Variants in CCNY observed in about 807,000 individuals in gnomAD.
CCNY encodes cyclin-Y.
A neutral mutation model predicts 42.8 loss-of-function variants in CCNY; 19 were observed. The ratio of observed to expected loss-of-function variants is 0.44; its 90% confidence interval spans 0.31 to 0.65. The LOEUF (loss-of-function observed/expected upper bound fraction) is 0.65, where lower values mean the gene tolerates loss of function less well. Among genes scored for constraint, CCNY ranks in the 30% least tolerant of loss-of-function variants. CCNY has a pLI of 0.07. For synonymous variants in CCNY, 165 were observed against 162.7 expected, an observed-to-expected ratio of 1.01 and a Z score of -0.11; for missense variants, 370 against 437.3, an observed-to-expected ratio of 0.85 and a Z score of 1.37.
intron 1 of CCNY, among the ~76,000 whole-genome samples, chr10:35,468,008 T>C (rs192593901): frequency 8.9e-4 from 135 of 152,352 alleles, no homozygotes; most frequent in African/African-American, 3.1e-3. Flanking sequence ...TAGATTTCAT[T>C]GACCATGTTA....
rs112076171 is a variant in CCNY at position 35,426,916 on chromosome 10, G to T, written c.155-56488G>T. Among the ~76,000 whole-genome samples, 502 of 152,304 alleles carry T rather than the reference G, an allele frequency of 3.3e-3. 2 individuals carry two copies. The highest frequency in any genetic ancestry group is 0.011 in the African/African-American group (470 of 41,554). ...CCTTGTGGTTCATTCATTGTTATTA[G>T]ATTGAATTATAATGAGAAGAAGCCT... On this transcript the variant is annotated intron_variant, in intron 1 of 9. Coordinates refer to ENST00000374704, the MANE Select transcript of CCNY (RefSeq NM_145012.6).
intron 7 of CCNY, among the ~76,000 whole-genome samples, chr10:35,545,681 A>T (rs746172201): frequency 4.6e-5 from 7 of 152,142 alleles, no homozygotes; most frequent in Admixed American, 2.6e-4. Flanking sequence ...ACACACTGTA[A>T]CCCATATCCA....
rs187236602 is a variant in CCNY, at chr10:35,324,990, T to G, written c.-9+74364T>G. 5.6e-3 allele frequency among the ~76,000 whole-genome samples: 847 copies of G among 152,308 alleles called. 10 individuals carry two copies. Among genetic ancestry groups the G allele is most frequent in the South Asian group, 0.029 (141 of 4,824 alleles). On this transcript the variant is annotated intron_variant, in intron 3 of 11. Coordinates refer to the CCNY transcript ENST00000374706. ...CCACTCATGGAACCACTAGAAGAGA[T>G]TGAAATTTTAAGTGTCAACATACTA...
In CCNY at chr10:35,510,003, A is replaced by G. The variant is rs543411407; in HGVS notation, c.265-6520A>G. On this transcript the variant is annotated intron_variant, in intron 3 of 9. Transcript: ENST00000374704. ...CTGCACTCCAGCAGGCCTTTCGTTC[A>G]TTCCTAGTCAAGGAATGCCAGTGCA... Among the ~76,000 whole-genome samples the G allele has an allele frequency of 4.6e-5, 7 of 152,180 alleles. No homozygotes were observed. In the South Asian group the frequency reaches 1.5e-3, roughly 32 times the overall value.
intron 1 of CCNY, among the ~76,000 whole-genome samples, chr10:35,438,217 C>T (rs989159948): frequency 6.6e-6 from 1 of 150,986 alleles, no homozygotes; most frequent in African/African-American, 2.4e-5. Flanking sequence ...GGTGCAATCA[C>T]AGCTCACTAC....
Position 35,570,744 on chromosome 10 carries a change from A to G in CCNY, c.*1574A>G, listed in dbSNP as rs1227517393. On this transcript the variant is annotated 3_prime_UTR_variant, in exon 10 of 10. Transcript: ENST00000374704. The stretch of plus-strand genomic sequence containing the variant: ...TGAATCATACACCTGATCCCCAAAC[A>G]TTGCCTGCTCTCAATGAAACATGCT... The G allele has an allele frequency of 6.6e-6, 1 of 152,304 alleles. No individual in the cohort carries two copies. The highest frequency in any genetic ancestry group is 2.4e-5 in the African/African-American group (1 of 41,440). 9.4% of individuals were successfully genotyped at this position (152,304 alleles called of 1,614,324 possible).
At chr10:35,380,679 C>G (rs2135191977) in intron 1 of CCNY, among the ~76,000 whole-genome samples, 1 of 152,294 alleles carries the variant, frequency 6.6e-6, no homozygotes, top group Non-Finnish European at 1.5e-5. Context: ...AAATATATTT[C>G]CTCTCTTGAA....
chr10:35,455,052 GGAA>G (rs1292565098), intron 1 of CCNY, among the ~76,000 whole-genome samples: 1 of 152,128 alleles, frequency 6.6e-6, no homozygotes, highest in African/African-American at 2.4e-5. Flanking sequence ...TTCTAATTGT[GGAA>G]GAAAATACTG....
rs367556896 is a variant in CCNY at position 35,404,891 on chromosome 10, A to G, written c.154+67684A>G. The stretch of plus-strand genomic sequence containing the variant: ...GCCTTGCAGCAGTACAGCCCAGGTA[A>G]TTTGCTGAGCCTGATGGGTATCAGG... On this transcript the variant is annotated intron_variant, in intron 1 of 9. Coordinates refer to ENST00000374704, the MANE Select transcript of CCNY (RefSeq NM_145012.6). Among the ~76,000 whole-genome samples, 79 of 152,286 alleles carry G rather than the reference A, an allele frequency of 5.2e-4. 1 individual carries two copies. In the South Asian group the frequency reaches 0.016, roughly 30 times the overall value.
chr10:35,344,494 ATCC>A (rs1836255064), intron 1 of CCNY, among the ~76,000 whole-genome samples: 1 of 152,224 alleles, frequency 6.6e-6, no homozygotes, highest in Non-Finnish European at 1.5e-5. Flanking sequence ...GATCAAGACC[ATCC>A]TGGCTAACAT....
At chr10:35,566,876 T>A (rs1482993706) in intron 9 of CCNY, among the ~76,000 whole-genome samples, 1 of 151,810 alleles carries the variant, frequency 6.6e-6, no homozygotes, top group African/African-American at 2.4e-5. Flanking sequence ...CAGCTAATTT[T>A]TTTTTGTATT....
intron 1 of CCNY, among the ~76,000 whole-genome samples, chr10:35,400,765 C>G (rs145781429): frequency 2.9e-3 from 438 of 152,288 alleles, no homozygotes; most frequent in African/African-American, 9.4e-3. Flanking sequence ...CTTGACTTCT[C>G]TCTCTCTTTT....
At chr10:35,540,224 C>T (rs1206546966) in intron 7 of CCNY, among the ~76,000 whole-genome samples, 2 of 152,060 alleles carry the variant, frequency 1.3e-5, no homozygotes, top group Non-Finnish European at 2.9e-5. Context: ...TTGTAGATGT[C>T]CTTTATCAAT....
chr10:35,434,303 G>C (rs1838478299), intron 1 of CCNY: 1 of 152,190 alleles, frequency 6.6e-6, no homozygotes, highest in African/African-American at 2.4e-5. Context: ...GGTGTGATGG[G>C]TTCAGGGAAA....
At chr10:35,434,548 A>T (rs1392847906) in intron 1 of CCNY, among the ~76,000 whole-genome samples, 1 of 152,172 alleles carries the variant, frequency 6.6e-6, no homozygotes, top group East Asian at 1.9e-4. Flanking sequence ...GGAAGTGTTT[A>T]ATTTTGAACT....
At chr10:35,521,380 C>A in intron 4 of CCNY, among the ~76,000 whole-genome samples, 1 of 152,174 alleles carries the variant, frequency 6.6e-6, no homozygotes, top group East Asian at 1.9e-4. Flanking sequence ...GTGCCTTGAC[C>A]GCTCTTTGGC....
chr10:35,301,880 G>A lies in CCNY; in HGVS notation c.-9+51254G>A, dbSNP rs540972458. The stretch of plus-strand genomic sequence containing the variant: ...ACTCCTGGGCTCAAGCGATCTGCCC[G>A]CCTCGGCCTCCCAAAATGCTAGGAT... On this transcript the variant is annotated intron_variant, in intron 3 of 11. Coordinates refer to the CCNY transcript ENST00000374706. Among the ~76,000 whole-genome samples, 89 of 152,178 alleles carry A rather than the reference G, an allele frequency of 5.8e-4. 1 individual carries two copies. The highest frequency in any genetic ancestry group is 1.9e-3 in the African/African-American group (80 of 41,510).
intron 1 of CCNY, among the ~76,000 whole-genome samples, chr10:35,474,918 A>C (rs941956847): frequency 5.3e-5 from 8 of 151,756 alleles, no homozygotes; most frequent in Non-Finnish European, 8.9e-5. Context: ...AGAAGAATGT[A>C]TAACTAGAAT....
At chr10:35,264,244 T>C (rs577218961) in intron 3 of CCNY, among the ~76,000 whole-genome samples, 1 of 152,244 alleles carries the variant, frequency 6.6e-6, no homozygotes, top group African/African-American at 2.4e-5. Flanking sequence ...TTTTTTTTAT[T>C]TTATTATTAT....
Sources: gnomAD v4.1 joint callset for allele counts (sites outside exome capture counted in the v4.1 genomes callset) on GRCh38, gnomAD v4.1.1 for gene constraint, MANE v1.5 for transcripts, NCBI Gene and HGNC (gene_info 2026-07-23, HGNC 2026-07-21) for gene names.